The following ANO1 variants were observed in gnomAD, a reference collection of about 807,000 sequenced individuals.
The protein encoded by ANO1 is anoctamin 1, also known as anoctamin-1.
ANO1 carries 59 observed loss-of-function variants against 124.0 expected under a neutral mutation model. The observed-to-expected ratio is 0.48, with a 90% CI of 0.39 to 0.59. The LOEUF (loss-of-function observed/expected upper bound fraction) is 0.59, where lower values mean the gene tolerates loss of function less well. ANO1 is among the 20% of genes least tolerant of loss of function. The probability of loss-of-function intolerance (pLI) is 0.00; values close to 1 mark genes in which losing one functional copy is unlikely to be tolerated. For missense variants in ANO1, 1,059 were observed against 1,328.0 expected, an observed-to-expected ratio of 0.80 and a Z score of 3.15; for synonymous variants, 529 against 532.0, an observed-to-expected ratio of 0.99 and a Z score of 0.08.
chr11:69,987,498 T>TC (rs1358772211), intron 1 of ANO1, among the ~76,000 whole-genome samples: 1 of 151,072 alleles, frequency 6.6e-6, no homozygotes, highest in Admixed American at 6.6e-5. Flanking sequence ...AGGCCTGTTG[T>TC]CCCGGGGCTA....
chr11:70,073,811 C>G (rs1277165021), upstream of ANO1, among the ~76,000 whole-genome samples: 1 of 152,076 alleles, frequency 6.6e-6, no homozygotes, highest in East Asian at 1.9e-4. Context: ...TCCATGGATT[C>G]TGTTGGAGGA....
At chr11:70,153,958 G>A (rs747332860) in intron 14 of ANO1, among the ~76,000 whole-genome samples, 18 of 152,090 alleles carry the variant, frequency 1.2e-4, no homozygotes, top group Non-Finnish European at 2.2e-4. Context: ...TAGAGACGGG[G>A]TTTCACTATG....
intron 7 of ANO1, among the ~76,000 whole-genome samples, chr11:70,115,517 G>T (rs911696754): frequency 2.6e-5 from 4 of 152,138 alleles, no homozygotes; most frequent in African/African-American, 7.2e-5. Flanking sequence ...GGAGGCTGAG[G>T]CAGGAGAATC....
rs779132744 is a variant in ANO1, at chr11:70,185,611, G to A, written c.2610G>A (p.Pro870=). The change falls in exon 25 of 26, where the codon CCG becomes CCA. Residue 870 remains proline (P), a synonymous_variant. Transcript: ENST00000355303. Reference sequence around the variant, plus strand: ...GCAGGTATAAAGACTACCGAGAGCCGCCGTGGTCGGAAAACAAGTACGACA... The same window carrying A: ...GCAGGTATAAAGACTACCGAGAGCCACCGTGGTCGGAAAACAAGTACGACA... ...QICRYKDYRE[P]PWSENKYDIS... 48 of 1,613,870 alleles carry A rather than the reference G, an allele frequency of 3.0e-5. No homozygotes were observed. Among genetic ancestry groups the A allele is most frequent in the African/African-American group, 1.6e-4 (12 of 75,040 alleles).
At position 70,189,517 on chromosome 11, in the gene ANO1, T is replaced by C. The variant is rs375663560; in HGVS notation, c.*1513T>C. 10 of 152,638 alleles carry C rather than the reference T, an allele frequency of 6.6e-5. No homozygotes were observed. The highest frequency in any genetic ancestry group is 1.9e-4 in the African/African-American group (8 of 41,578). 9.5% of individuals were successfully genotyped at this position (152,638 alleles called of 1,614,324 possible). A position where few individuals can be genotyped will look rare whatever the true frequency, so the allele number is the denominator to read the frequency against. Reference sequence around the variant, plus strand: ...TGGCTGGACATTCATCTAAATAAATTTGAATATACGACACTTTTCTCACTT... The same window carrying C: ...TGGCTGGACATTCATCTAAATAAATCTGAATATACGACACTTTTCTCACTT... On this transcript the variant is annotated 3_prime_UTR_variant, in exon 26 of 26. Coordinates refer to ENST00000355303, the MANE Select transcript of ANO1 (RefSeq NM_018043.7).
upstream of ANO1, chr11:70,074,822 C>T (rs2044038693): frequency 6.6e-6 from 1 of 152,242 alleles, no homozygotes; most frequent in African/African-American, 2.4e-5. Flanking sequence ...CAAGCCAGCT[C>T]CCACCACAGA....
At chr11:69,986,186 C>CG (rs1326936222) in intron 1 of ANO1, 3 of 152,186 alleles carry the variant, frequency 2.0e-5, no homozygotes, top group Admixed American at 6.6e-5. Context: ...CAGGGCGGCA[C>CG]GGGGGGTGAG....
rs1359460102 is a variant in ANO1 at position 70,187,892 on chromosome 11, A to T, written c.2849A>T (p.Glu950Val). ...CAGCAGCTGCTGGAAACCTGGATGGAGAAGGAGCGGCAGAAGGACGAGCCG... is the reference window on the plus strand; with the variant it reads ...CAGCAGCTGCTGGAAACCTGGATGGTGAAGGAGCGGCAGAAGGACGAGCCG... ...DKQQLLETWMEKERQKDEPPC... is the reference protein window; with the variant it reads ...DKQQLLETWMVKERQKDEPPC... The change falls in exon 26 of 26, where the codon GAG becomes GTG. Residue 950 changes from glutamate (E) to valine (V), a missense_variant. Transcript: ENST00000355303. 2.5e-6 allele frequency: 4 copies of T among 1,601,400 alleles called. No individual in the cohort carries two copies. Among genetic ancestry groups the T allele is most frequent in the Middle Eastern group, 1.6e-4 (1 of 6,070 alleles).
chr11:70,109,117 G>A (rs188893565), intron 6 of ANO1, among the ~76,000 whole-genome samples: 40 of 152,244 alleles, frequency 2.6e-4, no homozygotes, highest in Admixed American at 3.9e-4. Flanking sequence ...GCTGAGAGCC[G>A]TGCCATAGGG....
chr11:69,999,624 G>A (rs568229023), intron 1 of ANO1, among the ~76,000 whole-genome samples: 6 of 152,200 alleles, frequency 3.9e-5, no homozygotes, highest in East Asian at 1.9e-4. Flanking sequence ...CTCCTCACCC[G>A]CTAACATAAA....
intron 22 of ANO1, among the ~76,000 whole-genome samples, chr11:70,177,594 C>CTTTTTTTTTTCT (rs1565281935): frequency 8.5e-4 from 67 of 78,930 alleles, no homozygotes; most frequent in Non-Finnish European, 1.2e-3. Context: ...TTTTTTTTTT[C>CTTTTTTTTTTCT]TTTTTTTTTT....
intron 7 of ANO1, among the ~76,000 whole-genome samples, chr11:70,116,006 G>T (rs576168514): frequency 6.6e-6 from 1 of 152,292 alleles, no homozygotes; most frequent in African/African-American, 2.4e-5. Context: ...CTGATTAGAT[G>T]ACAATGACCT....
rs2049093380 is a variant in ANO1 at position 70,185,709 on chromosome 11, C to G, written c.2694+14C>G. Reference sequence around the variant, plus strand: ...ATCGTCTTCCAGGTGCGGTGGGTCCCTCTTTGTTTCCGGTTTGAAGATGGG... The same window carrying G: ...ATCGTCTTCCAGGTGCGGTGGGTCCGTCTTTGTTTCCGGTTTGAAGATGGG... On this transcript the variant is annotated intron_variant, in intron 25 of 25. Coordinates refer to ENST00000355303, the MANE Select transcript of ANO1 (RefSeq NM_018043.7). The G allele has an allele frequency of 6.2e-7, 1 of 1,612,804 alleles. No homozygotes were observed. The highest frequency in any genetic ancestry group is 1.3e-5 in the African/African-American group (1 of 75,032).
rs1590686956 is a variant in ANO1 at position 70,085,621 on chromosome 11, C to T, written c.109-2131C>T. On this transcript the variant is annotated intron_variant, in intron 1 of 25. Transcript: ENST00000355303. ...CCAGGGACATGGCCCCAACTGTCCC[C>T]TAACCAGGGGTAGAGGAGTCTAGAC... 9 of 1,534,644 alleles carry T rather than the reference C, an allele frequency of 5.9e-6. No individual in the cohort carries two copies. The East Asian group carries it at 2.2e-4, about 38-fold the overall frequency.
chr11:70,101,560 A>G (rs1487002616), intron 2 of ANO1, among the ~76,000 whole-genome samples: 1 of 149,632 alleles, frequency 6.7e-6, no homozygotes, highest in Non-Finnish European at 1.5e-5. Flanking sequence ...CCATCTCAAA[A>G]AAGAACAAAA....
intron 1 of ANO1, among the ~76,000 whole-genome samples, chr11:70,007,720 T>A (rs983663242): frequency 6.6e-6 from 1 of 152,236 alleles, no homozygotes; most frequent in Admixed American, 6.5e-5. Context: ...CGAACCTAGG[T>A]GTGCAGATGC....
At position 70,035,132 on chromosome 11, in the gene ANO1, C is replaced by T. The variant is rs1346413216; in HGVS notation, c.59-43410C>T. ...TCTTTCCTGGAAATCCCCAGTGGGG[C>T]TGTGCACAGGGAAACAAGGTGCTGC... is the stretch of plus-strand genomic sequence containing the variant. On this transcript the variant is annotated intron_variant, in intron 1 of 27. Transcript: ENST00000531349. Among the ~76,000 whole-genome samples the T allele has an allele frequency of 3.9e-5, 6 of 152,188 alleles. No individual in the cohort carries two copies. The South Asian group carries it at 1.0e-3, about 26-fold the overall frequency.
chr11:70,085,462 C>G, intron 1 of ANO1: 1 of 1,535,792 alleles, frequency 6.5e-7, no homozygotes, highest in Non-Finnish European at 8.7e-7. Context: ...ACAGCGGGGC[C>G]CTGTGTTACT....
chr11:70,035,202 C>T (rs942269277), intron 1 of ANO1, among the ~76,000 whole-genome samples: 13 of 152,228 alleles, frequency 8.5e-5, no homozygotes, highest in South Asian at 8.3e-4. Flanking sequence ...TGCCTGGCAG[C>T]GGGACCAGGG....
Sources: gnomAD v4.1 joint callset for allele counts (sites outside exome capture counted in the v4.1 genomes callset) on GRCh38, gnomAD v4.1.1 for gene constraint, MANE v1.5 for transcripts, NCBI Gene and HGNC (gene_info 2026-07-23, HGNC 2026-07-21) for gene names.